Variants in TBCEL observed in about 807,000 individuals in gnomAD.
TBCEL encodes tubulin-specific chaperone cofactor E-like protein.
TBCEL carries 15 observed loss-of-function variants against 44.2 expected under a neutral mutation model. The ratio of observed to expected loss-of-function variants is 0.34; its 90% CI spans 0.23 to 0.52. The LOEUF is 0.52. Ranked by LOEUF, TBCEL falls within the 20% of genes least tolerant of loss-of-function variation. The probability of loss-of-function intolerance (pLI) is 0.95; values close to 1 mark genes in which losing one functional copy is unlikely to be tolerated. For synonymous variants in TBCEL, 171 were observed against 185.4 expected (o/e 0.92, Z 0.63); for missense variants, 319 against 506.3 (o/e 0.63, Z 3.55).
chr11:121,064,949 C>T (rs1945792013), intron 8 of TBCEL, among the ~76,000 whole-genome samples: 1 of 152,042 alleles, frequency 6.6e-6, no homozygotes, highest in African/African-American at 2.4e-5. Context: ...GCTCAGCCTC[C>T]CGAGTAGCTG....
intron 6 of TBCEL, chr11:121,057,585 C>T: frequency 2.2e-6 from 1 of 455,054 alleles, no homozygotes; most frequent in South Asian, 1.6e-5. Context: ...ATTCAACCAA[C>T]TGCAGATTGA....
intron 5 of TBCEL, among the ~76,000 whole-genome samples, chr11:121,054,331 C>T (rs1207329203): frequency 6.6e-6 from 1 of 151,854 alleles, no homozygotes; most frequent in Non-Finnish European, 1.5e-5. Context: ...TCTTGTCCAT[C>T]TTAATTTCAC....
At chr11:121,064,189 G>A (rs1248769807) in intron 8 of TBCEL, among the ~76,000 whole-genome samples, 1 of 152,156 alleles carries the variant, frequency 6.6e-6, no homozygotes, top group Non-Finnish European at 1.5e-5. Context: ...TTGCAAGTTA[G>A]TCACTAGATG....
chr11:121,032,509 T>C (rs1425234424), intron 1 of TBCEL, among the ~76,000 whole-genome samples: 1 of 152,248 alleles, frequency 6.6e-6, no homozygotes, highest in Non-Finnish European at 1.5e-5. Context: ...ACATTTAATA[T>C]GTATCATTGA....
intron 1 of TBCEL, among the ~76,000 whole-genome samples, chr11:121,027,562 T>G (rs971992453): frequency 4.6e-5 from 7 of 152,196 alleles, no homozygotes; most frequent in Admixed American, 4.6e-4. Context: ...CACTCCTAAA[T>G]GCAGTTCCTC....
chr11:121,081,010 G>A (rs1468009869), intron 8 of TBCEL, among the ~76,000 whole-genome samples: 2 of 152,150 alleles, frequency 1.3e-5, no homozygotes, highest in East Asian at 1.9e-4. Flanking sequence ...CTCTTTGTTA[G>A]TATCACCTTC....
chr11:121,047,603 C>T lies in TBCEL; in HGVS notation c.209C>T (p.Ala70Val). 1 of 1,612,770 alleles carries T rather than the reference C, an allele frequency of 6.2e-7. No homozygotes were observed. The change falls in exon 4 of 9, where the codon GCT becomes GTT. Residue 70 changes from alanine (A) to valine (V), a missense_variant. Transcript: ENST00000683345. The part of the protein sequence containing the change: ...ITCAGDEKEI[A>V]AFCAHVSELD... ...TGTGCAGGAGATGAAAAAGAAATTG[C>T]TGCTTTCTGCGCTCATGTGTCGGAA...
intron 8 of TBCEL, among the ~76,000 whole-genome samples, chr11:121,069,289 T>C (rs948415802): frequency 2.7e-4 from 41 of 152,320 alleles, no homozygotes; most frequent in African/African-American, 7.5e-4. Context: ...AGTAAGATGA[T>C]TGAATATTCG....
At chr11:121,034,647 G>C (rs1282274455) in intron 1 of TBCEL, among the ~76,000 whole-genome samples, 2 of 152,110 alleles carry the variant, frequency 1.3e-5, no homozygotes, top group African/African-American at 4.8e-5. Flanking sequence ...ATACAAACAA[G>C]CATTAGGATA....
intron 8 of TBCEL, among the ~76,000 whole-genome samples, chr11:121,081,636 C>T (rs1391051471): frequency 2.6e-5 from 4 of 152,150 alleles, no homozygotes; most frequent in African/African-American, 9.7e-5. Context: ...TGGACTTTTG[C>T]ATAATGAATA....
chr11:121,079,963 C>A (rs1946095625), intron 8 of TBCEL, among the ~76,000 whole-genome samples: 2 of 152,088 alleles, frequency 1.3e-5, no homozygotes, highest in South Asian at 4.2e-4. Flanking sequence ...TACAGGCGCA[C>A]ACCACCACGT....
At chr11:121,027,420 A>G (rs1945065872) in intron 1 of TBCEL, among the ~76,000 whole-genome samples, 1 of 152,104 alleles carries the variant, frequency 6.6e-6, no homozygotes, top group Non-Finnish European at 1.5e-5. Context: ...TATTGCTATG[A>G]TTATTTCATT....
chr11:121,057,366 A>G, intron 6 of TBCEL: 2 of 292,132 alleles, frequency 6.8e-6, no homozygotes, highest in Middle Eastern at 2.3e-3. Context: ...TACCTGACTT[A>G]GAAGTCAAGT....
intron 3 of TBCEL, among the ~76,000 whole-genome samples, chr11:121,046,506 A>G (rs917220484): frequency 1.3e-5 from 2 of 152,044 alleles, no homozygotes; most frequent in African/African-American, 4.8e-5. Context: ...AAGGTTACTG[A>G]GTGTTTGCTG....
At position 121,058,441 on chromosome 11, in the gene TBCEL, C is replaced by A. The variant is rs1395435178; in HGVS notation, c.809C>A (p.Thr270Asn). Residue 270 changes from threonine to asparagine, a missense_variant, in exon 7 of 9, where the codon ACC becomes AAC. Coordinates refer to ENST00000683345, the MANE Select transcript of TBCEL (RefSeq NM_001363644.2). ...ATTCCTCTTCTGCAGCCATATACCA[C>A]CGAGGAGCGAAGGAAATTGGTAATA... ...LGIPLLQPYT[T>N]EERRKLVIAR... The A allele has an allele frequency of 6.2e-7, 1 of 1,611,740 alleles. No homozygotes were observed.
Position 121,080,550 on chromosome 11 carries a change from C to T in TBCEL, c.957-6228C>T, listed in dbSNP as rs1565507490. Among the ~76,000 whole-genome samples the T allele has an allele frequency of 3.3e-5, 5 of 152,138 alleles. No homozygotes were observed. In the South Asian group the frequency reaches 1.0e-3, roughly 31 times the overall value. On this transcript the variant is annotated intron_variant, in intron 8 of 8. Coordinates refer to ENST00000683345, the MANE Select transcript of TBCEL (RefSeq NM_001363644.2). ...CCATTGGAAAGTCCCTGATTCTAGA[C>T]AAAGTTTCATTTTACAATTTCCTAA...
chr11:121,085,260 G>A (rs533761373), intron 8 of TBCEL, among the ~76,000 whole-genome samples: 2 of 152,024 alleles, frequency 1.3e-5, no homozygotes, highest in African/African-American at 4.8e-5. Context: ...GGCTGGTCTC[G>A]AACTCCTGAC....
intron 1 of TBCEL, among the ~76,000 whole-genome samples, chr11:121,027,665 C>T (rs1468483224): frequency 6.6e-6 from 1 of 152,170 alleles, no homozygotes; most frequent in East Asian, 1.9e-4. Flanking sequence ...TTCATGAAAT[C>T]CTACTCACTC....
At chr11:121,072,208 T>C (rs1171517792) in intron 8 of TBCEL, among the ~76,000 whole-genome samples, 1 of 152,156 alleles carries the variant, frequency 6.6e-6, no homozygotes, top group East Asian at 1.9e-4. Context: ...ATACAAGTAT[T>C]TGGATATACT....
Sources: allele counts gnomAD v4.1 joint callset (sites outside exome capture counted in the v4.1 genomes callset), GRCh38; gene constraint gnomAD v4.1.1; transcripts MANE v1.5; gene names NCBI Gene and HGNC (gene_info 2026-07-23, HGNC 2026-07-21).